Variants in DOCK6 observed in about 807,000 individuals in gnomAD.
The protein encoded by DOCK6 is dedicator of cytokinesis 6.
DOCK6 carries 167 observed loss-of-function variants against 230.3 expected under a neutral mutation model. The observed-to-expected ratio is 0.73, with a 90% CI of 0.64 to 0.82. The LOEUF is 0.82. Among genes scored for constraint, DOCK6 ranks in the 40% least tolerant of loss-of-function variants. The pLI is 0.00. For synonymous variants in DOCK6, 1,148 were observed against 1,185.0 expected (o/e 0.97, Z 0.64); for missense variants, 2,598 against 2,825.8 (o/e 0.92, Z 1.83).
chr19:11,248,618 G>A (rs975576204), intron 6 of DOCK6, among the ~76,000 whole-genome samples: 3 of 152,014 alleles, frequency 2.0e-5, no homozygotes, highest in African/African-American at 7.2e-5. Context: ...CACCTCTTTC[G>A]GGTGCCCACA....
chr19:11,215,195 G>A (rs777527123), intron 32 of DOCK6, among the ~76,000 whole-genome samples, 192 bp downstream of exon 32: 18 of 151,930 alleles, frequency 1.2e-4, no homozygotes, highest in Non-Finnish European at 2.4e-4. Context: ...CGCCTGCCTC[G>A]GCCTCCCAAA....
In DOCK6 at chr19:11,202,161, C is replaced by G. The variant is rs775884468; in HGVS notation, c.5452-36G>C. The stretch of plus-strand genomic sequence containing the variant: ...GGTCAGGTGTGAGGATCCCACAGCC[C>G]CAGCACGCACAGCCCAAGCCCTGTT... On this transcript the variant is annotated intron_variant, in intron 43 of 47. Coordinates refer to ENST00000294618, the MANE Select transcript of DOCK6 (RefSeq NM_020812.4). This position sits in a 1 kb window ranked among gnomAD's most constrained non-coding sequence, Gnocchi z 5.3. The G allele has an allele frequency of 3.1e-6, 5 of 1,598,014 alleles. No homozygotes were observed. Among genetic ancestry groups the G allele is most frequent in the Non-Finnish European group, 3.4e-6 (4 of 1,166,404 alleles).
chr19:11,223,777 G>A (rs2079619063), intron 24 of DOCK6, among the ~76,000 whole-genome samples: 1 of 152,052 alleles, frequency 6.6e-6, no homozygotes, highest in African/African-American at 2.4e-5. Flanking sequence ...TTCCCCAGTA[G>A]CTTGGATTAC....
In DOCK6 at chr19:11,216,378, G is replaced by A. The variant is rs555844760; in HGVS notation, c.3895-451C>T. Reference sequence around the variant, plus strand: ...GCTGGGATTACAGGCGTGAGCCACCGCACCAGGCCCTGTTTTAAAAAAATT... The same window carrying A: ...GCTGGGATTACAGGCGTGAGCCACCACACCAGGCCCTGTTTTAAAAAAATT... On this transcript the variant is annotated intron_variant, in intron 30 of 47. Transcript: ENST00000294618. Among the ~76,000 whole-genome samples the A allele has an allele frequency of 2.2e-3, 337 of 151,684 alleles. 1 individual carries two copies. The highest frequency in any genetic ancestry group is 7.5e-3 in the African/African-American group (312 of 41,356).
At chr19:11,234,191 G>A (rs1320663356) in intron 21 of DOCK6, among the ~76,000 whole-genome samples, 1 of 151,514 alleles carries the variant, frequency 6.6e-6, no homozygotes, top group Non-Finnish European at 1.5e-5. Context: ...GTAGAAACGG[G>A]GTTTCACCAT....
chr19:11,209,646 A>G (rs1600858013), intron 37 of DOCK6, among the ~76,000 whole-genome samples: 2 of 63,552 alleles, frequency 3.1e-5, no homozygotes, highest in African/African-American at 5.0e-5. Context: ...TCACCTGTCT[A>G]TCCCCTCACC....
intron 22 of DOCK6, among the ~76,000 whole-genome samples, chr19:11,232,555 A>C (rs555828159): frequency 6.6e-6 from 1 of 152,282 alleles, no homozygotes; most frequent in Admixed American, 6.5e-5. Context: ...ACATATATGC[A>C]TCAGGTGAAT....
intron 39 of DOCK6, 105 bp downstream of exon 39, chr19:11,208,581 T>C (rs1244246463): frequency 6.8e-7 from 1 of 1,472,464 alleles, no homozygotes; most frequent in Non-Finnish European, 9.0e-7. Context: ...GCCCAGCCTA[T>C]TCTCCTTCTT....
intron 14 of DOCK6, chr19:11,241,436 C>G: frequency 1.3e-6 from 2 of 1,537,992 alleles, no homozygotes; most frequent in Non-Finnish European, 1.8e-6. Flanking sequence ...TCCATTCTGA[C>G]CCCCACAGGC....
intron 28 of DOCK6, among the ~76,000 whole-genome samples, chr19:11,218,944 T>A (rs960186840): frequency 6.9e-6 from 1 of 143,982 alleles, no homozygotes; most frequent in African/African-American, 2.6e-5. Context: ...AGTAGAATGA[T>A]CCTGGCTCAC....
Position 11,217,062 on chromosome 19 carries a change from G to C in DOCK6, c.3746C>G (p.Ser1249Ter). 1 of 1,613,364 alleles carries C rather than the reference G, an allele frequency of 6.2e-7. No homozygotes were observed. Residue 1249 changes from serine (S) to a stop codon, truncating the protein, a stop_gained, in exon 30 of 48, where the codon TCA becomes TGA. Coordinates refer to ENST00000294618, the MANE Select transcript of DOCK6 (RefSeq NM_020812.4). LOFTEE classifies it high-confidence loss of function. ...CACACACGCCAGCAAGGTCCGGCTTGACTCAGCAGAGAGGGCACAGCCTGC... is the reference window on the plus strand; with the variant it reads ...CACACACGCCAGCAAGGTCCGGCTTCACTCAGCAGAGAGGGCACAGCCTGC... The part of the protein sequence containing the change: ...SRAGCALSAE[S>*]SRTLLACVLW...
chr19:11,200,722 C>T lies in DOCK6; in HGVS notation c.5933G>A (p.Cys1978Tyr), dbSNP rs1568661358. 1 of 1,612,620 alleles carries T rather than the reference C, an allele frequency of 6.2e-7. No individual in the cohort carries two copies. The highest frequency in any genetic ancestry group is 8.5e-7 in the Non-Finnish European group (1 of 1,179,342). Residue 1978 changes from cysteine to tyrosine, a missense_variant, in exon 46 of 48, where the codon TGC becomes TAC. Cys to Tyr is a radical substitution (Grantham distance 194). Coordinates refer to ENST00000294618, the MANE Select transcript of DOCK6 (RefSeq NM_020812.4). The surrounding 1 kb of genome is among the most constrained non-coding windows in gnomAD (Gnocchi z 4.3). ...NKLRLCFKDFCKKCEDALRKN... is the reference protein window; with the variant it reads ...NKLRLCFKDFYKKCEDALRKN... ...TGGGGGGTTTTGCGCCTACTTCTTG[C>T]AGAAGTCCTTGAAGCAGAGCCGCAA...
At chr19:11,227,916 A>C (rs1011269866) in intron 23 of DOCK6, among the ~76,000 whole-genome samples, 3 of 151,404 alleles carry the variant, frequency 2.0e-5, no homozygotes, top group Admixed American at 1.3e-4. Flanking sequence ...GGAGGCCCAG[A>C]GGGGATGCAG....
Position 11,236,263 on chromosome 19 carries a change from G to C in DOCK6, c.2392+83C>G. 4.7e-6 allele frequency: 6 copies of C among 1,289,036 alleles called. No individual in the cohort carries two copies. The South Asian group carries it at 8.8e-5, about 19-fold the overall frequency. 79.8% of individuals were successfully genotyped at this position (1,289,036 alleles called of 1,614,324 possible). A position where few individuals can be genotyped will look rare whatever the true frequency, so the allele number is the denominator to read the frequency against. ...AGAAAAATGGCCAGAGAGGTAAATGGGCTTATAGAAGATCCCTCAGGACCT... is the reference window on the plus strand; with the variant it reads ...AGAAAAATGGCCAGAGAGGTAAATGCGCTTATAGAAGATCCCTCAGGACCT... On this transcript the variant is annotated intron_variant, in intron 20 of 47. Transcript: ENST00000294618. This position sits in a 1 kb window ranked among gnomAD's most constrained non-coding sequence, Gnocchi z 5.2.
rs773209740 is a variant in DOCK6 at position 11,200,269 on chromosome 19, CCT to C, written c.6101+37_6101+38del. The C allele has an allele frequency of 1.9e-5, 30 of 1,540,956 alleles. No homozygotes were observed. The highest frequency in any genetic ancestry group is 2.5e-5 in the Non-Finnish European group (28 of 1,141,706). On this transcript the variant is annotated intron_variant, in intron 47 of 47. Transcript: ENST00000294618. This position sits in a 1 kb window ranked among gnomAD's most constrained non-coding sequence, Gnocchi z 4.3. ...CCTGTCCTGGTCTGCCTCTGCATCC[CCT>C]CTCTAGTCTCTAGGATGGGGGCACT...
In DOCK6 at chr19:11,204,232, G is replaced by A; in HGVS notation, c.5188C>T (p.Leu1730=). The A allele has an allele frequency of 6.3e-7, 1 of 1,575,680 alleles. No individual in the cohort carries two copies. Among genetic ancestry groups the A allele is most frequent in the Non-Finnish European group, 8.6e-7 (1 of 1,158,870 alleles). Residue 1730 remains leucine, a synonymous_variant, in exon 40 of 48, where the codon CTG becomes TTG. Transcript: ENST00000294618. ...YKKLAAVHGK[L]QEAFTKIMHQ... ...ATGATCTTGGTGAAGGCCTCCTGCA[G>A]TTTGCCGTGCACCGCGGCCAGCTTC...
At chr19:11,240,246 C>A (rs866484335) in intron 14 of DOCK6, 1 of 1,582,550 alleles carries the variant, frequency 6.3e-7, no homozygotes, top group Admixed American at 1.8e-5. Flanking sequence ...AGAAGTCCAG[C>A]TGAGGAGCGC....
chr19:11,211,029 T>A (rs8113156), intron 37 of DOCK6, among the ~76,000 whole-genome samples: 2 of 151,486 alleles, frequency 1.3e-5, no homozygotes, highest in Non-Finnish European at 2.9e-5. Context: ...GTCTTCCCAC[T>A]TACCTGTCTC....
Position 11,202,552 on chromosome 19 carries a change from GC to G in DOCK6, c.5361+31del, listed in dbSNP as rs1568664102. On this transcript the variant is annotated intron_variant, in intron 42 of 47. Transcript: ENST00000294618. This position sits in a 1 kb window ranked among gnomAD's most constrained non-coding sequence, Gnocchi z 5.3. The stretch of plus-strand genomic sequence containing the variant: ...TACTCCAGCCCCAAGGCAGCCCCAT[GC>G]CCCGTTCCACCCCCAACCACAAGGA... 1.2e-6 allele frequency: 2 copies of G among 1,613,896 alleles called. No homozygotes were observed. Among genetic ancestry groups the G allele is most frequent in the East Asian group, 2.2e-5 (1 of 44,880 alleles).
Sources: allele counts gnomAD v4.1 joint callset (sites outside exome capture counted in the v4.1 genomes callset), GRCh38; gene constraint gnomAD v4.1.1; non-coding constraint Gnocchi (gnomAD v3.1); transcripts MANE v1.5; gene names NCBI Gene and HGNC (gene_info 2026-07-23, HGNC 2026-07-21).